AMBP: variants seen among roughly 807,000 people sequenced by gnomAD.
The protein encoded by AMBP is protein AMBP.
AMBP carries 37 observed loss-of-function variants against 46.3 expected under a neutral mutation model. The observed-to-expected ratio is 0.80, with a 90% CI of 0.61 to 1.05. AMBP has a LOEUF of 1.05. Ranked by LOEUF, AMBP falls within the 50% of genes least tolerant of loss-of-function variation. The pLI, the probability that AMBP is intolerant of heterozygous loss-of-function variation, is 0.00. For missense variants in AMBP, 475 were observed against 461.2 expected, an observed-to-expected ratio of 1.03 and a Z score of -0.27; for synonymous variants, 174 against 175.9, an observed-to-expected ratio of 0.99 and a Z score of 0.09.
chr9:114,060,198 A>C lies in AMBP; in HGVS notation c.*41T>G. 6.2e-7 allele frequency: 1 copy of C among 1,602,228 alleles called. No individual in the cohort carries two copies. Among genetic ancestry groups the C allele is most frequent in the Non-Finnish European group, 8.5e-7 (1 of 1,172,812 alleles). ...GCGCTGCCTGCCACAGGACCCCGGGACAGACACTGGCCATCCTCTGACTTG... is the reference window on the plus strand; with the variant it reads ...GCGCTGCCTGCCACAGGACCCCGGGCCAGACACTGGCCATCCTCTGACTTG... On this transcript the variant is annotated 3_prime_UTR_variant, in exon 10 of 10. Transcript: ENST00000265132.
chr9:114,074,935 A>T, intron 3 of AMBP, 25 bp downstream of exon 3: 1 of 1,599,812 alleles, frequency 6.3e-7, no homozygotes, highest in Non-Finnish European at 8.6e-7. Context: ...GAGAGAATGC[A>T]TGTGTCTCTT....
At chr9:114,076,485 C>A in intron 2 of AMBP, 113 bp downstream of exon 2, 1 of 1,463,442 alleles carries the variant, frequency 6.8e-7, no homozygotes, top group Non-Finnish European at 9.2e-7. Flanking sequence ...TGGGGTTCAG[C>A]GGGAAGGTCC....
Position 114,078,140 on chromosome 9 carries a change from T to TTGGCACAGGGCCAGCGC in AMBP, c.53_69dup (p.Thr24AlafsTer39). On this transcript the variant is annotated frameshift_variant, in exon 1 of 10. Coordinates refer to ENST00000265132, the MANE Select transcript of AMBP (RefSeq NM_001633.4). LOFTEE classifies it high-confidence loss of function. ...TGCACTTGGATGTTGTCGGGCGGCG[T>TTGGCACAGGGCCAGCGC]TGGCACAGGGCCAGCGCTCACCGCC... 6.2e-7 allele frequency: 1 copy of TTGGCACAGGGCCAGCGC among 1,613,798 alleles called. No individual in the cohort carries two copies. The highest frequency in any genetic ancestry group is 8.5e-7 in the Non-Finnish European group (1 of 1,180,026).
At chr9:114,061,358 G>T in intron 8 of AMBP, 66 bp downstream of exon 8, 1 of 1,604,582 alleles carries the variant, frequency 6.2e-7, no homozygotes, top group Non-Finnish European at 8.5e-7. Flanking sequence ...TCAATTCGCA[G>T]GTGGTTTACT....
rs1351115373 is a variant in AMBP, at chr9:114,072,885, A to C, written c.556+40T>G. 7.5e-6 allele frequency: 12 copies of C among 1,593,622 alleles called. No homozygotes were observed. In the Admixed American group the frequency reaches 1.5e-4, roughly 20 times the overall value. On this transcript the variant is annotated intron_variant, in intron 5 of 9. Coordinates refer to ENST00000265132, the MANE Select transcript of AMBP (RefSeq NM_001633.4). The stretch of plus-strand genomic sequence containing the variant: ...TGGTCTCTGGCGCCCACAAGGGACG[A>C]AGAGGGGACAGGAATTTGAGGCGGA...
In AMBP at chr9:114,077,304, GCTC is replaced by G. The variant is rs531125087; in HGVS notation, c.118-567_118-565del. ...GCGTCCCAGACTGCCACAGGGACCT[GCTC>G]CTCATTGCCCCTCTGCCACGACCTT... On this transcript the variant is annotated intron_variant, in intron 1 of 9. Transcript: ENST00000265132. 6.5e-3 allele frequency among the ~76,000 whole-genome samples: 984 copies of G among 152,282 alleles called. 12 individuals are homozygous for G. Among genetic ancestry groups the G allele is most frequent in the African/African-American group, 0.022 (931 of 41,544 alleles).
In AMBP at chr9:114,072,946, T is replaced by C; in HGVS notation, c.535A>G (p.Ile179Val). The change falls in exon 5 of 10, where the codon ATC becomes GTC. Residue 179 changes from isoleucine to valine, a missense_variant. Coordinates refer to ENST00000265132, the MANE Select transcript of AMBP (RefSeq NM_001633.4). ...AQGVGIPEDS[I>V]FTMADRGECV... ...GTACCTCGGTCAGCCATGGTGAAGA[T>C]GGAGTCCTCAGGGATGCCCACACCC... 6.2e-7 allele frequency: 1 copy of C among 1,613,856 alleles called. No individual in the cohort carries two copies. The highest frequency in any genetic ancestry group is 1.7e-4 in the Middle Eastern group (1 of 6,056).
At chr9:114,076,864 C>T in intron 1 of AMBP, 124 bp from the exon 2 acceptor site, 1 of 1,237,570 alleles carries the variant, frequency 8.1e-7, no homozygotes, top group Non-Finnish European at 1.1e-6. Flanking sequence ...AATGACTTAT[C>T]CTTTTAAGGG....
chr9:114,067,890 C>T (rs978018039), intron 6 of AMBP, among the ~76,000 whole-genome samples: 1 of 152,142 alleles, frequency 6.6e-6, no homozygotes, highest in African/African-American at 2.4e-5. Flanking sequence ...AAAACACCAC[C>T]TGGCAAAGAA....
At chr9:114,063,452 T>A (rs1011220475) in intron 6 of AMBP, among the ~76,000 whole-genome samples, 1 of 152,200 alleles carries the variant, frequency 6.6e-6, no homozygotes, top group Non-Finnish European at 1.5e-5. Context: ...GTGAAAACTG[T>A]CAGGGACTTT....
intron 6 of AMBP, 99 bp downstream of exon 6, chr9:114,069,600 T>A: frequency 8.4e-7 from 1 of 1,189,952 alleles, no homozygotes; most frequent in Non-Finnish European, 1.2e-6. Flanking sequence ...CCCCTCCCCA[T>A]GACTCTGCCT....
chr9:114,063,172 A>T (rs1262280527), intron 6 of AMBP, among the ~76,000 whole-genome samples: 1 of 150,918 alleles, frequency 6.6e-6, no homozygotes, highest in Non-Finnish European at 1.5e-5. Flanking sequence ...GATCATCATT[A>T]GCTGCTTGCA....
At chr9:114,074,293 A>G (rs1171334865) in intron 3 of AMBP, 141 bp from the exon 4 acceptor site, 1 of 650,538 alleles carries the variant, frequency 1.5e-6, no homozygotes, top group Admixed American at 2.5e-5. Flanking sequence ...CCATTTATCA[A>G]TTCATCCATA....
At chr9:114,074,883 A>T in intron 3 of AMBP, 77 bp downstream of exon 3, 1 of 1,290,042 alleles carries the variant, frequency 7.8e-7, no homozygotes, top group Non-Finnish European at 1.1e-6. Context: ...AAGGTTACAG[A>T]GGCAGAGGGA....
chr9:114,068,389 C>T (rs1473021378), intron 6 of AMBP, among the ~76,000 whole-genome samples: 1 of 151,884 alleles, frequency 6.6e-6, no homozygotes, highest in Non-Finnish European at 1.5e-5. Flanking sequence ...CTTCTGAGGT[C>T]AGGAGTTCAA....
intron 6 of AMBP, among the ~76,000 whole-genome samples, chr9:114,067,389 C>T (rs1846705116): frequency 6.6e-6 from 1 of 152,120 alleles, no homozygotes; most frequent in Non-Finnish European, 1.5e-5. Context: ...AAGTGCCACC[C>T]ACTGAGCTGG....
intron 6 of AMBP, 34 bp downstream of exon 6, chr9:114,069,665 G>C (rs774571451): frequency 6.3e-7 from 1 of 1,594,556 alleles, no homozygotes; most frequent in African/African-American, 1.3e-5. Context: ...GGGGTGGGAT[G>C]GGGTGGGATG....
intron 8 of AMBP, 145 bp downstream of exon 8, chr9:114,061,279 T>C (rs1406564944): frequency 2.8e-6 from 4 of 1,439,356 alleles, no homozygotes; most frequent in East Asian, 4.6e-5. Context: ...CATCCAAAGG[T>C]GGAATTCCTA....
At chr9:114,068,808 T>TAAAAAAAAAAAAAAAAAA (rs34177397) in intron 6 of AMBP, among the ~76,000 whole-genome samples, 1 of 97,130 alleles carries the variant, frequency 1.0e-5, no homozygotes, top group African/African-American at 4.1e-5. Context: ...GTGGTGAGAT[T>TAAAAAAAAAAAAAAAAAA]AAAAAAAAAA....
Sources: allele counts gnomAD v4.1 joint callset (sites outside exome capture counted in the v4.1 genomes callset), GRCh38; gene constraint gnomAD v4.1.1; transcripts MANE v1.5; gene names NCBI Gene and HGNC (gene_info 2026-07-23, HGNC 2026-07-21).